Variants in RARB observed in about 807,000 individuals in gnomAD.
RARB encodes the protein HBV-activated protein.
In RARB, 17 loss-of-function variants were observed where a neutral mutation model predicts 51.9. The ratio of observed to expected loss-of-function variants is 0.33; its 90% CI spans 0.22 to 0.49. The LOEUF is 0.49. RARB is among the 20% of genes least tolerant of loss of function. The probability of loss-of-function intolerance (pLI) is 0.99; values close to 1 mark genes in which losing one functional copy is unlikely to be tolerated. For synonymous variants in RARB, 215 were observed against 195.4 expected (o/e 1.10, Z -0.84); for missense variants, 369 against 550.8 (o/e 0.67, Z 3.30).
chr3:24,977,573 G>C (rs1325945958), intron 2 of RARB, among the ~76,000 whole-genome samples: 1 of 152,074 alleles, frequency 6.6e-6, no homozygotes, highest in Non-Finnish European at 1.5e-5. Flanking sequence ...GTCTGTTATT[G>C]GTGTATAGGA....
intron 5 of RARB, among the ~76,000 whole-genome samples, chr3:25,408,096 C>T (rs1382620183): frequency 3.3e-5 from 5 of 152,154 alleles, no homozygotes; most frequent in Non-Finnish European, 7.3e-5. Flanking sequence ...GTCTCAATGT[C>T]TGTTTCTGGG....
intron 5 of RARB, among the ~76,000 whole-genome samples, chr3:25,404,177 T>C (rs1408550063): frequency 1.3e-5 from 2 of 152,196 alleles, no homozygotes; most frequent in Non-Finnish European, 2.9e-5. Flanking sequence ...TGCTTTACAC[T>C]TTTTTCAGTG....
chr3:25,332,009 G>T (rs542103152), intron 5 of RARB, among the ~76,000 whole-genome samples: 1 of 152,034 alleles, frequency 6.6e-6, no homozygotes, highest in Non-Finnish European at 1.5e-5. Context: ...CCAATAACAG[G>T]GTCTGAAATT....
intron 3 of RARB, among the ~76,000 whole-genome samples, chr3:25,072,072 G>A (rs900182793): frequency 1.3e-5 from 2 of 152,204 alleles, no homozygotes; most frequent in Non-Finnish European, 1.5e-5. Flanking sequence ...AAGGATTCTC[G>A]TTTCTGTGTT....
At chr3:25,292,846 C>T (rs1369123756) in intron 5 of RARB, among the ~76,000 whole-genome samples, 4 of 152,100 alleles carry the variant, frequency 2.6e-5, no homozygotes, top group South Asian at 4.1e-4. Flanking sequence ...CTGCCCTATT[C>T]GAGGCTGGTC....
chr3:25,174,584 T>C, intron 5 of RARB: 1 of 1,351,960 alleles, frequency 7.4e-7, no homozygotes, highest in Non-Finnish European at 9.8e-7. Flanking sequence ...AAGTAAGTCC[T>C]GCTGGAATTT....
In RARB at chr3:25,428,501, G is replaced by A. The variant is rs531896712; in HGVS notation, c.-231G>A. On this transcript the variant is annotated 5_prime_UTR_variant, in exon 1 of 8. Transcript: ENST00000330688. ...GATCTTTCTGGGAACCCCCCGCCCC[G>A]GCTGGATTGGCCGAGCAAGCCTGGA... 7 of 1,263,428 alleles carry A rather than the reference G, an allele frequency of 5.5e-6. No individual in the cohort carries two copies. In the South Asian group the frequency reaches 1.9e-4, roughly 35 times the overall value. 78.3% of individuals were successfully genotyped at this position (1,263,428 alleles called of 1,614,324 possible).
At chr3:25,524,066 T>C (rs1159915140) in intron 3 of RARB, among the ~76,000 whole-genome samples, 4 of 152,212 alleles carry the variant, frequency 2.6e-5, no homozygotes, top group Non-Finnish European at 5.9e-5. Context: ...CTATAGGTTG[T>C]TCACTGCAGC....
upstream of RARB, among the ~76,000 whole-genome samples, chr3:25,425,476 T>G (rs1707963758): frequency 6.6e-6 from 1 of 152,184 alleles, no homozygotes; most frequent in African/African-American, 2.4e-5. Context: ...TCAGCATAAT[T>G]AATTCATGAT....
intron 3 of RARB, among the ~76,000 whole-genome samples, chr3:25,109,400 T>C (rs116036489): frequency 6.6e-6 from 1 of 152,256 alleles, no homozygotes; most frequent in Non-Finnish European, 1.5e-5. Context: ...ATTTTGGTAC[T>C]ATGATCTGGG....
chr3:25,195,202 C>T (rs1286005212), intron 5 of RARB, among the ~76,000 whole-genome samples: 2 of 151,626 alleles, frequency 1.3e-5, no homozygotes, highest in African/African-American at 4.8e-5. Context: ...TTTTTTTTTC[C>T]AAACAGTTTC....
chr3:25,392,297 T>C (rs1383613248), intron 5 of RARB, among the ~76,000 whole-genome samples: 3 of 152,208 alleles, frequency 2.0e-5, no homozygotes, highest in African/African-American at 7.2e-5. Flanking sequence ...CATAGCCTTA[T>C]AGTATTGTTT....
chr3:25,201,490 G>C (rs541684259), intron 5 of RARB, among the ~76,000 whole-genome samples: 1 of 152,228 alleles, frequency 6.6e-6, no homozygotes, highest in East Asian at 1.9e-4. Flanking sequence ...GGTGAAAGAG[G>C]GCATCCCTGT....
intron 5 of RARB, among the ~76,000 whole-genome samples, chr3:25,422,370 G>C (rs1707885096): frequency 6.6e-6 from 1 of 152,180 alleles, no homozygotes; most frequent in Admixed American, 6.5e-5. Flanking sequence ...ATTGAGATGA[G>C]ACAAAATTCA....
intron 2 of RARB, among the ~76,000 whole-genome samples, chr3:24,923,269 T>C (rs571829801): frequency 6.6e-6 from 1 of 151,364 alleles, no homozygotes; most frequent in African/African-American, 2.4e-5. Context: ...TTCACTATAA[T>C]GGCCCAGCTT....
chr3:24,951,561 CAT>C (rs1474969661), intron 2 of RARB, among the ~76,000 whole-genome samples: 7 of 152,300 alleles, frequency 4.6e-5, no homozygotes, highest in Non-Finnish European at 1.0e-4. Context: ...GGTCCGATGA[CAT>C]ATAAGATCAA....
chr3:25,413,019 TG>T (rs1321973127), intron 5 of RARB, among the ~76,000 whole-genome samples: 1 of 150,478 alleles, frequency 6.6e-6, no homozygotes, highest in Admixed American at 6.6e-5. Flanking sequence ...AATTCCATCT[TG>T]GGGGAAAAAA....
chr3:25,584,586 C>T (rs978977356), intron 5 of RARB, among the ~76,000 whole-genome samples: 4 of 152,094 alleles, frequency 2.6e-5, no homozygotes, highest in South Asian at 2.1e-4. Flanking sequence ...GAGGAAGCCC[C>T]GGCAGGTTGG....
At chr3:25,211,969 A>G (rs559972162) in intron 5 of RARB, among the ~76,000 whole-genome samples, 64 of 152,306 alleles carry the variant, frequency 4.2e-4, no homozygotes, top group Non-Finnish European at 6.8e-4. Context: ...ATTTGCCAAT[A>G]ATATAAGGTC....
Sources: gnomAD v4.1 joint callset for allele counts (sites outside exome capture counted in the v4.1 genomes callset) on GRCh38, gnomAD v4.1.1 for gene constraint, MANE v1.5 for transcripts, NCBI Gene and HGNC (gene_info 2026-07-23, HGNC 2026-07-21) for gene names.